Variants in AGPAT5 observed in about 807,000 individuals in gnomAD.
AGPAT5 encodes 1-acyl-sn-glycerol-3-phosphate acyltransferase epsilon.
In AGPAT5, 46 loss-of-function variants were observed where a neutral mutation model predicts 45.6. That is an observed-to-expected ratio of 1.01 (90% CI 0.80 to 1.29). The LOEUF is 1.29. AGPAT5 is among the 50% of genes most tolerant of loss of function. AGPAT5 has a pLI of 0.00. For missense variants in AGPAT5, 673 were observed against 450.7 expected, an observed-to-expected ratio of 1.49 and a Z score of -4.47; for synonymous variants, 272 against 167.0, an observed-to-expected ratio of 1.63 and a Z score of -4.85.
At position 6,753,786 on chromosome 8, in the gene AGPAT5, T is replaced by A. The variant is rs865998727; in HGVS notation, c.746-1265T>A. ...AAATAATGAAAAATTAAAATCTTTATTTTAGTGTTTTGCACATGTATTATT... is the reference window on the plus strand; with the variant it reads ...AAATAATGAAAAATTAAAATCTTTAATTTAGTGTTTTGCACATGTATTATT... On this transcript the variant is annotated intron_variant, in intron 6 of 7. Transcript: ENST00000285518. 3.1e-4 allele frequency among the ~76,000 whole-genome samples: 47 copies of A among 152,224 alleles called. 1 individual carries two copies. The highest frequency in any genetic ancestry group is 9.6e-4 in the African/African-American group (40 of 41,454).
At chr8:6,739,477 A>G (rs141710121) in intron 4 of AGPAT5, among the ~76,000 whole-genome samples, 1 of 152,220 alleles carries the variant, frequency 6.6e-6, no homozygotes, top group African/African-American at 2.4e-5. Context: ...TTTGTAGTTT[A>G]ATGTACAGAT....
chr8:6,741,673 A>T lies in AGPAT5; in HGVS notation c.508A>T (p.Ile170Phe). 1 of 1,605,056 alleles carries T rather than the reference A, an allele frequency of 6.2e-7. No homozygotes were observed. The highest frequency in any genetic ancestry group is 8.5e-7 in the Non-Finnish European group (1 of 1,176,736). ...VDAGTPMYLV[I>F]FPEGTRYNPE... is the part of the protein sequence containing the mutation. Reference sequence around the variant, plus strand: ...CTATGTCCCACAGATGTATCTTGTGATTTTTCCAGAAGGTACAAGGTATAA... The same window carrying T: ...CTATGTCCCACAGATGTATCTTGTGTTTTTTCCAGAAGGTACAAGGTATAA... Residue 170 changes from isoleucine (I) to phenylalanine (F), a missense_variant, in exon 5 of 8, where the codon ATT (isoleucine) becomes TTT (phenylalanine). By Grantham distance (21) the Ile-to-Phe change is conservative (BLOSUM62 0). Coordinates refer to ENST00000285518, the MANE Select transcript of AGPAT5 (RefSeq NM_018361.5).
Position 6,747,828 on chromosome 8 carries a change from G to A in AGPAT5, c.745G>A (p.Glu249Lys). 6.2e-7 allele frequency: 1 copy of A among 1,613,758 alleles called. No homozygotes were observed. The highest frequency in any genetic ancestry group is 1.3e-5 in the African/African-American group (1 of 75,028). ...GQRRESPTMT[E>K]FLCKECPKIH... ...GCGAAGAGAGTCACCGACCATGACGGGTAAGTGTGTTCACGCACCTGAAAT... is the reference window on the plus strand; with the variant it reads ...GCGAAGAGAGTCACCGACCATGACGAGTAAGTGTGTTCACGCACCTGAAAT... Residue 249 changes from glutamate (E) to lysine (K), a missense_variant and splice_region_variant, in exon 6 of 8, where the codon GAA (glutamate) becomes AAA (lysine). Coordinates refer to ENST00000285518, the MANE Select transcript of AGPAT5 (RefSeq NM_018361.5).
chr8:6,727,042 G>C (rs527327048), intron 2 of AGPAT5, among the ~76,000 whole-genome samples: 5 of 152,226 alleles, frequency 3.3e-5, no homozygotes, highest in Non-Finnish European at 5.9e-5. Context: ...TTGTCTGATT[G>C]TGTTTAGGTA....
intron 1 of AGPAT5, among the ~76,000 whole-genome samples, chr8:6,716,021 G>C (rs1395464396): frequency 6.6e-6 from 1 of 152,002 alleles, no homozygotes; most frequent in Non-Finnish European, 1.5e-5. Flanking sequence ...CTTCTGGGCC[G>C]CCCCTCCCCA....
In AGPAT5 at chr8:6,761,356, T is replaced by A. The variant is rs769667348; in HGVS notation, c.*3968T>A. On this transcript the variant is annotated 3_prime_UTR_variant, in exon 8 of 8. Coordinates refer to ENST00000285518, the MANE Select transcript of AGPAT5 (RefSeq NM_018361.5). Reference sequence around the variant, plus strand: ...ATGTCTTTTTTTAAAAAAGGTGCTATTGAAATTCTGTGTCTCCAGCAGGCA... The same window carrying A: ...ATGTCTTTTTTTAAAAAAGGTGCTAATGAAATTCTGTGTCTCCAGCAGGCA... 6.6e-6 allele frequency among the ~76,000 whole-genome samples: 1 copy of A among 152,236 alleles called. No homozygotes were observed. The highest frequency in any genetic ancestry group is 1.5e-5 in the Non-Finnish European group (1 of 68,034).
intron 4 of AGPAT5, among the ~76,000 whole-genome samples, chr8:6,740,840 T>C (rs1257960674): frequency 6.6e-6 from 1 of 152,134 alleles, no homozygotes; most frequent in Admixed American, 6.5e-5. Context: ...TCCCATGAGC[T>C]CCTGTCTTGT....
chr8:6,752,437 A>G (rs1801686339), intron 6 of AGPAT5, among the ~76,000 whole-genome samples: 2 of 152,172 alleles, frequency 1.3e-5, no homozygotes, highest in South Asian at 4.1e-4. Context: ...AAACAGCTGT[A>G]CATGTCAGTA....
chr8:6,720,013 G>C (rs1440833400), intron 1 of AGPAT5, among the ~76,000 whole-genome samples: 1 of 152,152 alleles, frequency 6.6e-6, no homozygotes, highest in African/African-American at 2.4e-5. Context: ...CCCATGATTG[G>C]ATTGTCCTGC....
At chr8:6,719,272 T>C (rs1800426054) in intron 1 of AGPAT5, among the ~76,000 whole-genome samples, 1 of 152,158 alleles carries the variant, frequency 6.6e-6, no homozygotes, top group Non-Finnish European at 1.5e-5. Flanking sequence ...TCCTAATGCA[T>C]GGTGGGAGAA....
At chr8:6,750,555 C>T (rs1001717679) in intron 6 of AGPAT5, among the ~76,000 whole-genome samples, 2 of 152,072 alleles carry the variant, frequency 1.3e-5, no homozygotes, top group Admixed American at 1.3e-4. Context: ...TTATTTACAA[C>T]CTAGATCATA....
At position 6,734,269 on chromosome 8, in the gene AGPAT5, A is replaced by T. The variant is rs547956137; in HGVS notation, c.495+1619A>T. Among the ~76,000 whole-genome samples the T allele has an allele frequency of 9.7e-5, 14 of 143,764 alleles. No homozygotes were observed. In the East Asian group the frequency reaches 1.4e-3, roughly 15 times the overall value. 94.3% of individuals were successfully genotyped at this position (143,764 alleles called of 152,430 possible). A position where few individuals can be genotyped will look rare whatever the true frequency, so the allele number is the denominator to read the frequency against. ...TCGTTTTTTGTTGGTTTTTTTTTTAATTTTTTTTTTTACGCCCCCTCCCTT... is the reference window on the plus strand; with the variant it reads ...TCGTTTTTTGTTGGTTTTTTTTTTATTTTTTTTTTTTACGCCCCCTCCCTT... On this transcript the variant is annotated intron_variant, in intron 4 of 7. Transcript: ENST00000285518.
chr8:6,738,860 C>T lies in AGPAT5; in HGVS notation c.496-2801C>T, dbSNP rs1801144496. On this transcript the variant is annotated intron_variant, in intron 4 of 7. Transcript: ENST00000285518. ...TTGATTTTTTTTCTCTCATAATTTC[C>T]ACTTTTTGTATCCTATTTAAGAAGT... 2.0e-5 allele frequency among the ~76,000 whole-genome samples: 3 copies of T among 151,758 alleles called. No individual in the cohort carries two copies. The South Asian group carries it at 6.2e-4, about 31-fold the overall frequency.
intron 5 of AGPAT5, among the ~76,000 whole-genome samples, chr8:6,746,841 G>T (rs550053865): frequency 6.6e-6 from 1 of 152,254 alleles, no homozygotes; most frequent in East Asian, 1.9e-4. Flanking sequence ...ACTGTTTTCT[G>T]TTAAATTGTC....
intron 7 of AGPAT5, among the ~76,000 whole-genome samples, chr8:6,755,890 A>G (rs950210432): frequency 6.6e-6 from 1 of 152,218 alleles, no homozygotes; most frequent in Non-Finnish European, 1.5e-5. Context: ...TACATGATGT[A>G]ATGTATTCAG....
intron 5 of AGPAT5, among the ~76,000 whole-genome samples, chr8:6,743,002 C>T (rs973018045): frequency 2.6e-5 from 4 of 152,212 alleles, no homozygotes; most frequent in South Asian, 4.1e-4. Context: ...AAACCACTCT[C>T]GAATCTGTAG....
rs34512777 is a variant in AGPAT5, at chr8:6,747,800, G to T, written c.717G>T (p.Gly239=). The T allele has an allele frequency of 6.2e-7, 1 of 1,614,124 alleles. No individual in the cohort carries two copies. Among genetic ancestry groups the T allele is most frequent in the East Asian group, 2.2e-5 (1 of 44,880 alleles). ...TTTATGAAGGGAAAGACGATGGAGG[G>T]CAGCGAAGAGAGTCACCGACCATGA... ...TVVYEGKDDG[G]QRRESPTMTE... is the part of the protein sequence containing the mutation. The change falls in exon 6 of 8, where the codon GGG becomes GGT. Residue 239 remains glycine, a synonymous_variant. Coordinates refer to ENST00000285518, the MANE Select transcript of AGPAT5 (RefSeq NM_018361.5).
rs1445425646 is a variant in AGPAT5 at position 6,760,644 on chromosome 8, A to G, written c.*3256A>G. Among the ~76,000 whole-genome samples, 5 of 152,188 alleles carry G rather than the reference A, an allele frequency of 3.3e-5. No individual in the cohort carries two copies. The highest frequency in any genetic ancestry group is 9.7e-5 in the African/African-American group (4 of 41,432). On this transcript the variant is annotated 3_prime_UTR_variant, in exon 8 of 8. Transcript: ENST00000285518. ...ATTCCGTATCTGGTGGAAAGCTACA[A>G]TGCAATGTCGTTGTAGTTTTGCATG...
Position 6,717,109 on chromosome 8 carries a change from C to G in AGPAT5, c.220-7761C>G, listed in dbSNP as rs144956930. ...AAGTCAGAGAAGTTAAAAAAGAATT[C>G]TCACGCAGCCAGCAGTGCAGAGAAA... is the stretch of plus-strand genomic sequence containing the variant. On this transcript the variant is annotated intron_variant, in intron 1 of 7. Coordinates refer to ENST00000285518, the MANE Select transcript of AGPAT5 (RefSeq NM_018361.5). Among the ~76,000 whole-genome samples the G allele has an allele frequency of 1.8e-4, 28 of 152,312 alleles. No individual in the cohort carries two copies. The East Asian group carries it at 5.2e-3, about 28-fold the overall frequency.
Sources: allele counts gnomAD v4.1 joint callset (sites outside exome capture counted in the v4.1 genomes callset), GRCh38; gene constraint gnomAD v4.1.1; transcripts MANE v1.5; gene names NCBI Gene and HGNC (gene_info 2026-07-23, HGNC 2026-07-21).